The following PHF13 variants were observed in gnomAD, a reference collection of about 807,000 sequenced individuals.
PHF13 encodes the protein PHD zinc finger protein PHF5.
PHF13 carries 1 observed loss-of-function variant against 25.8 expected under a neutral mutation model. That is an observed-to-expected ratio of 0.04 (90% CI 0.01 to 0.18). The LOEUF (loss-of-function observed/expected upper bound fraction) is 0.18. PHF13 is among the 10% of genes least tolerant of loss of function. PHF13 has a pLI of 1.00. For missense variants in PHF13, 306 were observed against 403.2 expected (o/e 0.76, Z 2.06); for synonymous variants, 195 against 162.4 (o/e 1.20, Z -1.53).
In PHF13 at chr1:6,622,192, G is replaced by C. The variant is rs1042406245; in HGVS notation, c.*555G>C. The C allele has an allele frequency of 5.9e-6, 1 of 168,350 alleles. No individual in the cohort carries two copies. The highest frequency in any genetic ancestry group is 1.5e-4 in the East Asian group (1 of 6,530). The allele number at this position is 168,350 out of a possible 1,614,324, so 10.4% of individuals were successfully genotyped here. A position where few individuals can be genotyped will look rare whatever the true frequency, so the allele number is the denominator to read the frequency against. ...CGGCTGGGGGAGGCACTGGCGGGAG[G>C]CCTCGGGCTCCCCTGGAAGGGCGCT... is the stretch of plus-strand genomic sequence containing the variant. On this transcript the variant is annotated 3_prime_UTR_variant, in exon 4 of 4. Coordinates refer to ENST00000377648, the MANE Select transcript of PHF13 (RefSeq NM_153812.3).
At chr1:6,615,774 G>T (rs1641252589) in intron 1 of PHF13, among the ~76,000 whole-genome samples, 2 of 152,186 alleles carry the variant, frequency 1.3e-5, no homozygotes, top group South Asian at 4.1e-4. Context: ...GTTTCTAGAT[G>T]GAATGGGGCT....
intron 2 of PHF13, among the ~76,000 whole-genome samples, chr1:6,619,308 C>G (rs546384493): frequency 7.9e-5 from 12 of 151,778 alleles, no homozygotes; most frequent in East Asian, 1.9e-4. Context: ...GGGAGTTTCT[C>G]TCTTCGTGGC....
chr1:6,614,762 CG>C (rs1454626282), intron 1 of PHF13, among the ~76,000 whole-genome samples: 29 of 151,154 alleles, frequency 1.9e-4, no homozygotes, highest in Non-Finnish European at 4.1e-4. Flanking sequence ...CCCCCGCCCG[CG>C]GGCTTTGCTG....
intron 2 of PHF13, 99 bp downstream of exon 2, chr1:6,616,957 G>T (rs915250459): frequency 1.0e-6 from 1 of 977,592 alleles, no homozygotes; most frequent in African/African-American, 1.6e-5. Flanking sequence ...GGGTCAGTAG[G>T]TTTGGAAGGG....
At chr1:6,616,259 C>A (rs1641258673) in intron 1 of PHF13, among the ~76,000 whole-genome samples, 2 of 152,000 alleles carry the variant, frequency 1.3e-5, no homozygotes, top group Non-Finnish European at 2.9e-5. Flanking sequence ...GAACTCCTGA[C>A]CTCGTGATCC....
At chr1:6,617,094 A>G (rs1475203749) in intron 2 of PHF13, among the ~76,000 whole-genome samples, 1 of 152,246 alleles carries the variant, frequency 6.6e-6, no homozygotes, top group African/African-American at 2.4e-5. Context: ...TGTCTAGAAA[A>G]TGATTTAGTA....
chr1:6,622,045 C>G lies in PHF13; in HGVS notation c.*408C>G. 3.5e-6 allele frequency: 1 copy of G among 282,890 alleles called. No homozygotes were observed. The highest frequency in any genetic ancestry group is 7.0e-6 in the Non-Finnish European group (1 of 143,574). 17.5% of individuals were successfully genotyped at this position (282,890 alleles called of 1,614,324 possible). On this transcript the variant is annotated 3_prime_UTR_variant, in exon 4 of 4. Coordinates refer to ENST00000377648, the MANE Select transcript of PHF13 (RefSeq NM_153812.3). ...TCGGTTTCCCCAGCCTGTTAATGAA[C>G]AGCCATACGTGTAAGCTTTTTCTTG...
In PHF13 at chr1:6,614,061, C is replaced by G. The variant is rs369459524; in HGVS notation, c.-6C>G. 1.3e-6 allele frequency: 2 copies of G among 1,593,884 alleles called. No individual in the cohort carries two copies. The highest frequency in any genetic ancestry group is 1.7e-5 in the Admixed American group (1 of 58,832). On this transcript the variant is annotated 5_prime_UTR_variant, in exon 1 of 4. Transcript: ENST00000377648. ...CTCGCAGCCGCCGCCGCCCCCCGCCCGGAACATGGACTCTGACTCTTGCGC... is the reference window on the plus strand; with the variant it reads ...CTCGCAGCCGCCGCCGCCCCCCGCCGGGAACATGGACTCTGACTCTTGCGC...
chr1:6,615,913 G>A (rs2148709223), intron 1 of PHF13, among the ~76,000 whole-genome samples: 1 of 152,160 alleles, frequency 6.6e-6, no homozygotes, highest in East Asian at 1.9e-4. Flanking sequence ...GACAGTGGAG[G>A]GGACCCTCTG....
At position 6,620,242 on chromosome 1, in the gene PHF13, C is replaced by T. The variant is rs752380468; in HGVS notation, c.581C>T (p.Thr194Ile). Residue 194 changes from threonine to isoleucine, a missense_variant, in exon 3 of 4, where the codon ACT becomes ATT. Thr to Ile is a moderately conservative substitution (Grantham distance 89). Coordinates refer to ENST00000377648, the MANE Select transcript of PHF13 (RefSeq NM_153812.3). ...VSPDQVKEIK[T>I]EGKRTIVRQG... Reference sequence around the variant, plus strand: ...CCTGATCAGGTCAAAGAAATAAAAACTGAAGGCAAACGGACTATCGTCCGG... The same window carrying T: ...CCTGATCAGGTCAAAGAAATAAAAATTGAAGGCAAACGGACTATCGTCCGG... 1.2e-5 allele frequency: 19 copies of T among 1,613,932 alleles called. No homozygotes were observed. Among genetic ancestry groups the T allele is most frequent in the Non-Finnish European group, 1.5e-5 (18 of 1,180,038 alleles).
At chr1:6,617,494 G>A (rs774685442) in intron 2 of PHF13, among the ~76,000 whole-genome samples, 6 of 152,284 alleles carry the variant, frequency 3.9e-5, no homozygotes, top group Middle Eastern at 3.4e-3. Flanking sequence ...CTGGAGTGCC[G>A]TGGTGCAATT....
At chr1:6,619,039 T>G (rs553463823) in intron 2 of PHF13, among the ~76,000 whole-genome samples, 1 of 152,376 alleles carries the variant, frequency 6.6e-6, no homozygotes, top group Non-Finnish European at 1.5e-5. Flanking sequence ...TTTACTTCAC[T>G]GCTTTGGGGC....
At chr1:6,616,105 C>T (rs1418751410) in intron 1 of PHF13, among the ~76,000 whole-genome samples, 1 of 146,434 alleles carries the variant, frequency 6.8e-6, no homozygotes, top group African/African-American at 2.5e-5. Flanking sequence ...TCTTGGCTCA[C>T]TGTAACCTCC....
At chr1:6,619,562 C>T (rs1026456226) in intron 2 of PHF13, among the ~76,000 whole-genome samples, 2 of 152,206 alleles carry the variant, frequency 1.3e-5, no homozygotes, top group Non-Finnish European at 2.9e-5. Flanking sequence ...TGGTCTTGAA[C>T]TCCTGGTCTC....
Position 6,622,247 on chromosome 1 carries a change from G to A in PHF13, c.*610G>A, listed in dbSNP as rs952864314. 8 of 159,976 alleles carry A rather than the reference G, an allele frequency of 5.0e-5. No homozygotes were observed. The highest frequency in any genetic ancestry group is 3.3e-3 in the Middle Eastern group (1 of 300). 9.9% of individuals were successfully genotyped at this position (159,976 alleles called of 1,614,324 possible). A position where few individuals can be genotyped will look rare whatever the true frequency, so the allele number is the denominator to read the frequency against. ...TGGCGGGTCAGCTGGTGGTTCTTAGGTTTCCTTCTGTTTGTTAAAAGGGAC... is the reference window on the plus strand; with the variant it reads ...TGGCGGGTCAGCTGGTGGTTCTTAGATTTCCTTCTGTTTGTTAAAAGGGAC... On this transcript the variant is annotated 3_prime_UTR_variant, in exon 4 of 4. Transcript: ENST00000377648.
At chr1:6,620,790 C>T (rs1281334486) in intron 3 of PHF13, among the ~76,000 whole-genome samples, 1 of 151,418 alleles carries the variant, frequency 6.6e-6, no homozygotes, top group Non-Finnish European at 1.5e-5. Context: ...GAGGCCGAGG[C>T]AGGCAGATCA....
At position 6,620,120 on chromosome 1, in the gene PHF13, G is replaced by A. The variant is rs760636572; in HGVS notation, c.459G>A (p.Thr153=). 6.8e-6 allele frequency: 11 copies of A among 1,613,522 alleles called. No homozygotes were observed. Among genetic ancestry groups the A allele is most frequent in the South Asian group, 4.4e-5 (4 of 91,088 alleles). ...CTGACCCCTACGTGGAGACCCCCAC[G>A]AGTCCCACCTTGCAGGATATCCCCC... ...EAADPYVETP[T]SPTLQDIPQA... The change falls in exon 3 of 4, where the codon ACG becomes ACA. Residue 153 remains threonine, a synonymous_variant. Transcript: ENST00000377648.
intron 2 of PHF13, 49 bp downstream of exon 2, chr1:6,616,907 G>A (rs770631706): frequency 6.5e-7 from 1 of 1,528,728 alleles, no homozygotes; most frequent in Non-Finnish European, 9.1e-7. Context: ...GTCAAACCCA[G>A]TGCCTCCACC....
chr1:6,620,977 A>G (rs555815343), intron 3 of PHF13, among the ~76,000 whole-genome samples: 2 of 151,158 alleles, frequency 1.3e-5, no homozygotes, highest in South Asian at 4.2e-4. Flanking sequence ...GGTTGCAGTG[A>G]GCCAAGATCG....
Sources: allele counts gnomAD v4.1 joint callset (sites outside exome capture counted in the v4.1 genomes callset), GRCh38; gene constraint gnomAD v4.1.1; transcripts MANE v1.5; gene names NCBI Gene and HGNC (gene_info 2026-07-23, HGNC 2026-07-21).